Variants in PDGFC observed in about 807,000 individuals in gnomAD.
PDGFC encodes the protein platelet derived growth factor C.
In PDGFC, 12 loss-of-function variants were observed where a neutral mutation model predicts 35.5. The observed-to-expected ratio is 0.34, with a 90% CI of 0.22 to 0.55. The LOEUF (loss-of-function observed/expected upper bound fraction) is 0.55. Among genes scored for constraint, PDGFC ranks in the 20% least tolerant of loss-of-function variants. The probability of loss-of-function intolerance (pLI) is 0.91; values close to 1 mark genes in which losing one functional copy is unlikely to be tolerated. For synonymous variants in PDGFC, 159 were observed against 148.8 expected (o/e 1.07, Z -0.50); for missense variants, 322 against 412.4 (o/e 0.78, Z 1.90).
intron 1 of PDGFC, among the ~76,000 whole-genome samples, chr4:156,961,386 T>C (rs1732339841): frequency 6.6e-6 from 1 of 152,128 alleles, no homozygotes; most frequent in Admixed American, 6.6e-5. Context: ...AAAGGGCAGG[T>C]GCAACGGCCA....
chr4:156,938,555 T>C lies in PDGFC; in HGVS notation c.118+32231A>G, dbSNP rs148019430. Reference sequence around the variant, plus strand: ...GTGTAAGAACCATGGCAATAACAAGTCAATATTTATATTTAAAAAACTGAC... The same window carrying C: ...GTGTAAGAACCATGGCAATAACAAGCCAATATTTATATTTAAAAAACTGAC... On this transcript the variant is annotated intron_variant, in intron 1 of 5. Coordinates refer to ENST00000502773, the MANE Select transcript of PDGFC (RefSeq NM_016205.3). Among the ~76,000 whole-genome samples, 562 of 152,136 alleles carry C rather than the reference T, an allele frequency of 3.7e-3. 21 individuals are homozygous for C. The East Asian group carries it at 0.095, about 26-fold the overall frequency.
At chr4:156,881,862 A>AT (rs1265298776) in intron 1 of PDGFC, among the ~76,000 whole-genome samples, 1 of 150,960 alleles carries the variant, frequency 6.6e-6, no homozygotes, top group Non-Finnish European at 1.5e-5. Context: ...GTTTCCTTAC[A>AT]TAAGCTCTCT....
chr4:156,954,595 C>T (rs1732160894), intron 1 of PDGFC, among the ~76,000 whole-genome samples: 2 of 151,954 alleles, frequency 1.3e-5, no homozygotes, highest in East Asian at 1.9e-4. Context: ...CCTAAAGTTC[C>T]CTGTTTAAAA....
chr4:156,788,112 A>C (rs1378805702), intron 3 of PDGFC, among the ~76,000 whole-genome samples: 1 of 152,202 alleles, frequency 6.6e-6, no homozygotes, highest in South Asian at 2.1e-4. Context: ...GAGTATTTCC[A>C]GAGCGTTCTT....
At chr4:156,863,978 GCTT>G (rs1393921501) in intron 1 of PDGFC, among the ~76,000 whole-genome samples, 1 of 151,836 alleles carries the variant, frequency 6.6e-6, no homozygotes, top group African/African-American at 2.4e-5. Flanking sequence ...TTTTGCCAAA[GCTT>G]CTGTTTGTTT....
At chr4:156,869,915 T>C (rs1729939410) in intron 1 of PDGFC, among the ~76,000 whole-genome samples, 1 of 152,090 alleles carries the variant, frequency 6.6e-6, no homozygotes, top group African/African-American at 2.4e-5. Flanking sequence ...GAGTCTTTTG[T>C]ATCTAATTTA....
intron 1 of PDGFC, among the ~76,000 whole-genome samples, chr4:156,867,783 C>T (rs1242560480): frequency 6.6e-6 from 1 of 151,994 alleles, no homozygotes; most frequent in Non-Finnish European, 1.5e-5. Context: ...AATATGAAAC[C>T]CCAAACAAAG....
chr4:156,809,033 A>C (rs1731851960), intron 3 of PDGFC, among the ~76,000 whole-genome samples: 1 of 152,038 alleles, frequency 6.6e-6, no homozygotes, highest in Admixed American at 6.6e-5. Flanking sequence ...CTTCCAGTCC[A>C]AAAGCCTATT....
chr4:156,885,786 GAGGTGGGA>G (rs1430383170), intron 1 of PDGFC, among the ~76,000 whole-genome samples: 1 of 152,150 alleles, frequency 6.6e-6, no homozygotes, highest in Non-Finnish European at 1.5e-5. Context: ...TTAGGAGGCT[GAGGTGGGA>G]GAACTGTCTA....
At chr4:156,809,839 A>C (rs992360390) in intron 3 of PDGFC, among the ~76,000 whole-genome samples, 1 of 151,958 alleles carries the variant, frequency 6.6e-6, no homozygotes, top group African/African-American at 2.4e-5. Flanking sequence ...TTAAAATATA[A>C]ATAATATCCT....
At chr4:156,922,574 GGAA>G in intron 1 of PDGFC, among the ~76,000 whole-genome samples, 1 of 152,054 alleles carries the variant, frequency 6.6e-6, no homozygotes, top group South Asian at 2.1e-4. Context: ...CAGGAAGATA[GGAA>G]GTATCTTTGG....
At chr4:156,960,522 G>C (rs1732318698) in intron 1 of PDGFC, among the ~76,000 whole-genome samples, 1 of 151,262 alleles carries the variant, frequency 6.6e-6, no homozygotes, top group African/African-American at 2.4e-5. Context: ...TCCAGAAATA[G>C]TGAACTTTTG....
intron 4 of PDGFC, among the ~76,000 whole-genome samples, chr4:156,772,426 A>G (rs1220278834): frequency 2.0e-5 from 3 of 152,162 alleles, no homozygotes; most frequent in Non-Finnish European, 2.9e-5. Context: ...CATCAAAATG[A>G]TATTTTTGAA....
chr4:156,777,599 C>T (rs1156666219), intron 3 of PDGFC, among the ~76,000 whole-genome samples: 1 of 152,096 alleles, frequency 6.6e-6, no homozygotes, highest in Non-Finnish European at 1.5e-5. Flanking sequence ...CCTACTGACA[C>T]CCTGATCTCA....
chr4:156,822,510 C>T (rs1312569862), intron 2 of PDGFC, among the ~76,000 whole-genome samples: 2 of 151,826 alleles, frequency 1.3e-5, no homozygotes, highest in Non-Finnish European at 2.9e-5. Flanking sequence ...ATCAAAATCA[C>T]AATAAGGCTT....
chr4:156,804,223 T>G (rs746280119), intron 3 of PDGFC, among the ~76,000 whole-genome samples: 1 of 151,830 alleles, frequency 6.6e-6, no homozygotes, highest in South Asian at 2.1e-4. Flanking sequence ...AATAAACAAA[T>G]AAATAAATAA....
chr4:156,853,238 A>G (rs1487383994), intron 1 of PDGFC, among the ~76,000 whole-genome samples: 2 of 152,184 alleles, frequency 1.3e-5, no homozygotes, highest in Non-Finnish European at 2.9e-5. Flanking sequence ...ATTTATGTTA[A>G]TCAAAATATG....
intron 1 of PDGFC, among the ~76,000 whole-genome samples, chr4:156,924,232 G>A (rs1015401530): frequency 5.3e-5 from 8 of 152,086 alleles, no homozygotes; most frequent in South Asian, 4.1e-4. Flanking sequence ...GTGGGCAGCC[G>A]AATAGTTTCA....
intron 1 of PDGFC, among the ~76,000 whole-genome samples, chr4:156,960,531 T>G (rs1460635345): frequency 6.6e-6 from 1 of 151,528 alleles, no homozygotes; most frequent in Non-Finnish European, 1.5e-5. Flanking sequence ...AGTGAACTTT[T>G]GTTTAGAAAT....
Sources: allele counts gnomAD v4.1 joint callset (sites outside exome capture counted in the v4.1 genomes callset), GRCh38; gene constraint gnomAD v4.1.1; transcripts MANE v1.5; gene names NCBI Gene and HGNC (gene_info 2026-07-23, HGNC 2026-07-21).